RSU1: variants seen among roughly 807,000 people sequenced by gnomAD.
RSU1 encodes Ras suppressor protein 1.
In RSU1, 26 loss-of-function variants were observed where a neutral mutation model predicts 31.1. The observed-to-expected ratio is 0.84, with a 90% CI of 0.61 to 1.16. The LOEUF (loss-of-function observed/expected upper bound fraction) is 1.16. Among genes scored for constraint, RSU1 ranks in the 50% most tolerant of loss-of-function variants. The probability of loss-of-function intolerance (pLI) is 0.00; values close to 1 mark genes in which losing one functional copy is unlikely to be tolerated. For synonymous variants in RSU1, 164 were observed against 136.3 expected, an observed-to-expected ratio of 1.20 and a Z score of -1.41; for missense variants, 320 against 339.1, an observed-to-expected ratio of 0.94 and a Z score of 0.44.
intron 7 of RSU1, among the ~76,000 whole-genome samples, chr10:16,740,263 AG>A: frequency 6.6e-6 from 1 of 152,328 alleles, no homozygotes; most frequent in Middle Eastern, 3.4e-3. Context: ...AAAAAATAAA[AG>A]CCACATAGAC....
chr10:16,751,951 G>A (rs1309762507), intron 7 of RSU1, among the ~76,000 whole-genome samples: 4 of 152,088 alleles, frequency 2.6e-5, no homozygotes, highest in Non-Finnish European at 4.4e-5. Context: ...GAACGACCTG[G>A]CAGAGAAACA....
chr10:16,704,315 G>C (rs1008864491), intron 7 of RSU1, among the ~76,000 whole-genome samples: 1 of 152,092 alleles, frequency 6.6e-6, no homozygotes, highest in Non-Finnish European at 1.5e-5. Flanking sequence ...CATTATTCCA[G>C]GGTGTCACAA....
intron 8 of RSU1, among the ~76,000 whole-genome samples, chr10:16,661,026 C>T (rs986143596): frequency 1.2e-4 from 19 of 152,028 alleles, no homozygotes; most frequent in African/African-American, 4.1e-4. Context: ...TTATATTTTT[C>T]ATTTCTTGTT....
At chr10:16,673,170 C>A (rs1263723006) in intron 8 of RSU1, among the ~76,000 whole-genome samples, 1 of 152,206 alleles carries the variant, frequency 6.6e-6, no homozygotes, top group East Asian at 1.9e-4. Context: ...TCTTCAGGGT[C>A]CATAAGTCCC....
chr10:16,694,241 T>C (rs1835628450), intron 8 of RSU1, among the ~76,000 whole-genome samples: 1 of 152,190 alleles, frequency 6.6e-6, no homozygotes, highest in African/African-American at 2.4e-5. Flanking sequence ...AGCTGGCAGA[T>C]TCCGCTTCCT....
intron 2 of RSU1, among the ~76,000 whole-genome samples, chr10:16,812,319 G>C (rs1467697696): frequency 6.6e-6 from 1 of 152,194 alleles, no homozygotes; most frequent in Non-Finnish European, 1.5e-5. Context: ...GCGCACGCCT[G>C]TAACCCCAGT....
intron 2 of RSU1, among the ~76,000 whole-genome samples, chr10:16,812,179 C>A (rs764114503): frequency 6.6e-6 from 1 of 152,230 alleles, no homozygotes; most frequent in Non-Finnish European, 1.5e-5. Context: ...CAGTGGCTCA[C>A]GCCTGTAATC....
intron 2 of RSU1, among the ~76,000 whole-genome samples, chr10:16,815,921 A>C (rs1230709617): frequency 2.0e-5 from 3 of 152,244 alleles, no homozygotes; most frequent in African/African-American, 7.2e-5. Flanking sequence ...TGGTCCAGGA[A>C]GGGCAACAGG....
chr10:16,779,248 T>G (rs1019709884), intron 3 of RSU1, among the ~76,000 whole-genome samples: 2 of 152,212 alleles, frequency 1.3e-5, no homozygotes, highest in African/African-American at 4.8e-5. Flanking sequence ...AGCAATTAGC[T>G]TGACAATACA....
At chr10:16,787,340 C>T (rs1257962300) in intron 2 of RSU1, among the ~76,000 whole-genome samples, 1 of 152,158 alleles carries the variant, frequency 6.6e-6, no homozygotes, top group East Asian at 1.9e-4. Flanking sequence ...CCTTCCTCCT[C>T]ACTCTGCCCT....
At chr10:16,680,130 C>A (rs1331870708) in intron 8 of RSU1, among the ~76,000 whole-genome samples, 1 of 152,002 alleles carries the variant, frequency 6.6e-6, no homozygotes, top group Non-Finnish European at 1.5e-5. Context: ...GATCTGCCTG[C>A]CCTCGCCTCC....
chr10:16,807,050 G>A (rs1240338341), intron 2 of RSU1, among the ~76,000 whole-genome samples: 1 of 152,142 alleles, frequency 6.6e-6, no homozygotes, highest in Non-Finnish European at 1.5e-5. Context: ...CATGAGTCAG[G>A]CTGGGATTAC....
intron 7 of RSU1, among the ~76,000 whole-genome samples, chr10:16,714,890 AC>A (rs1489333727): frequency 2.0e-5 from 3 of 152,008 alleles, no homozygotes; most frequent in Non-Finnish European, 4.4e-5. Flanking sequence ...GCTCCCGGCT[AC>A]TCTCCAAACT....
chr10:16,816,965 G>A lies in RSU1; in HGVS notation c.109+8C>T, dbSNP rs747974613. 31 of 1,598,016 alleles carry A rather than the reference G, an allele frequency of 1.9e-5. No individual in the cohort carries two copies. In the Admixed American group the frequency reaches 2.8e-4, roughly 15 times the overall value. On this transcript the variant is annotated splice_region_variant and intron_variant, in intron 2 of 8. Transcript: ENST00000345264. ...TCATCCACGGGAGAGTCCTGCCCGA[G>A]AACTCACAGAGGCCGTTGACATCCA... is the stretch of plus-strand genomic sequence containing the variant.
intron 7 of RSU1, among the ~76,000 whole-genome samples, chr10:16,703,813 G>A (rs916745102): frequency 1.3e-5 from 2 of 151,982 alleles, no homozygotes; most frequent in African/African-American, 4.8e-5. Flanking sequence ...AGAAAAGACT[G>A]GAAAAAAATC....
At chr10:16,725,387 C>T (rs536714365) in intron 7 of RSU1, among the ~76,000 whole-genome samples, 7 of 152,106 alleles carry the variant, frequency 4.6e-5, no homozygotes, top group South Asian at 4.2e-4. Context: ...TATACCTAGA[C>T]GAATTATCTA....
chr10:16,770,378 A>G (rs1837399788), intron 3 of RSU1, among the ~76,000 whole-genome samples: 1 of 152,028 alleles, frequency 6.6e-6, no homozygotes, highest in Non-Finnish European at 1.5e-5. Context: ...GGGCAGCACT[A>G]GACCCTGCAC....
At chr10:16,800,349 A>C (rs1457147881) in intron 2 of RSU1, among the ~76,000 whole-genome samples, 1 of 152,220 alleles carries the variant, frequency 6.6e-6, no homozygotes, top group African/African-American at 2.4e-5. Flanking sequence ...AGTAGACAAC[A>C]TGCAAGAAAA....
intron 8 of RSU1, among the ~76,000 whole-genome samples, chr10:16,623,442 C>T (rs1483434481): frequency 6.6e-6 from 1 of 152,140 alleles, no homozygotes; most frequent in Non-Finnish European, 1.5e-5. Flanking sequence ...CCGATGGGCA[C>T]CCAGGTTGAT....
Sources: allele counts gnomAD v4.1 joint callset (sites outside exome capture counted in the v4.1 genomes callset), GRCh38; gene constraint gnomAD v4.1.1; transcripts MANE v1.5; gene names NCBI Gene and HGNC (gene_info 2026-07-23, HGNC 2026-07-21).